Variants in MSRA observed in about 807,000 individuals in gnomAD.
The protein encoded by MSRA is mitochondrial peptide methionine sulfoxide reductase.
MSRA carries 54 observed loss-of-function variants against 31.3 expected under a neutral mutation model. The ratio of observed to expected loss-of-function variants is 1.73; its 90% CI spans 1.39 to 2.17. The LOEUF (loss-of-function observed/expected upper bound fraction) is 2.17. Ranked by LOEUF, MSRA falls within the 30% of genes most tolerant of loss-of-function variation. The pLI, the probability that MSRA is intolerant of heterozygous loss-of-function variation, is 0.00. For synonymous variants in MSRA, 169 were observed against 116.5 expected, an observed-to-expected ratio of 1.45 and a Z score of -2.90; for missense variants, 507 against 300.9, an observed-to-expected ratio of 1.69 and a Z score of -5.07.
chr8:10,363,132 C>G (rs1804951379), intron 5 of MSRA, among the ~76,000 whole-genome samples: 1 of 152,218 alleles, frequency 6.6e-6, no homozygotes, highest in African/African-American at 2.4e-5. Context: ...GCACTTTCAG[C>G]CTTTCTCCGT....
chr8:10,428,250 C>A lies in MSRA; in HGVS notation c.646C>A (p.Pro216Thr), dbSNP rs746225052. The A allele has an allele frequency of 6.2e-7, 1 of 1,614,180 alleles. No homozygotes were observed. The highest frequency in any genetic ancestry group is 2.2e-5 in the East Asian group (1 of 44,870). Residue 216 changes from proline to threonine, a missense_variant, in exon 6 of 6, where the codon CCC (proline) becomes ACC (threonine). Coordinates refer to ENST00000317173, the MANE Select transcript of MSRA (RefSeq NM_012331.5). ...CCACCAGCAGTACCTGAGCAAGAAC[C>A]CCAATGGCTACTGCGGCCTTGGGGG... ...DYHQQYLSKNPNGYCGLGGTG... is the reference protein window; with the variant it reads ...DYHQQYLSKNTNGYCGLGGTG...
At chr8:10,168,578 C>T (rs1044708559) in intron 1 of MSRA, among the ~76,000 whole-genome samples, 1 of 152,098 alleles carries the variant, frequency 6.6e-6, no homozygotes, top group Non-Finnish European at 1.5e-5. Context: ...TAGCAAAACC[C>T]CTATACGATA....
At chr8:10,101,953 G>C (rs1585148708) in intron 1 of MSRA, among the ~76,000 whole-genome samples, 1 of 152,092 alleles carries the variant, frequency 6.6e-6, no homozygotes, top group Non-Finnish European at 1.5e-5. Context: ...CGCAACTTCA[G>C]TTGTACTCCC....
intron 1 of MSRA, among the ~76,000 whole-genome samples, chr8:10,062,818 G>A (rs1042081597): frequency 2.6e-5 from 4 of 152,166 alleles, no homozygotes; most frequent in Non-Finnish European, 4.4e-5. Flanking sequence ...GGAGTGGATC[G>A]TGTGATAGGA....
In MSRA at chr8:10,295,476, C is replaced by G. The variant is rs550288019; in HGVS notation, c.332-6058C>G. Among the ~76,000 whole-genome samples, 155 of 152,304 alleles carry G rather than the reference C, an allele frequency of 1.0e-3. 2 individuals are homozygous for G. The highest frequency in any genetic ancestry group is 3.6e-3 in the African/African-American group (151 of 41,572). ...CTGCTGGCCCAGTGACCCTTGGAGGCCCCCTTGGTCCTTCTAGATGAGCCC... is the reference window on the plus strand; with the variant it reads ...CTGCTGGCCCAGTGACCCTTGGAGGGCCCCTTGGTCCTTCTAGATGAGCCC... On this transcript the variant is annotated intron_variant, in intron 3 of 5. Transcript: ENST00000317173.
chr8:10,396,706 T>A (rs796803750), intron 5 of MSRA, among the ~76,000 whole-genome samples: 4 of 152,360 alleles, frequency 2.6e-5, no homozygotes, highest in African/African-American at 9.6e-5. Flanking sequence ...TAGAAATGTT[T>A]CCACTTCCTT....
chr8:10,380,347 G>A (rs545708541), intron 5 of MSRA, among the ~76,000 whole-genome samples: 3 of 152,324 alleles, frequency 2.0e-5, no homozygotes, highest in South Asian at 2.1e-4. Context: ...CTGGCGTTTG[G>A]GTAGACAACT....
chr8:10,336,905 G>C (rs892087584), intron 5 of MSRA: 1 of 152,206 alleles, frequency 6.6e-6, no homozygotes, highest in African/African-American at 2.4e-5. Flanking sequence ...TACAAAGACA[G>C]GCATAGAAAT....
At chr8:10,112,408 A>G (rs1187673408) in intron 1 of MSRA, among the ~76,000 whole-genome samples, 1 of 152,236 alleles carries the variant, frequency 6.6e-6, no homozygotes, top group African/African-American at 2.4e-5. Context: ...ATTTCTAGGA[A>G]AAGCTGTTAA....
intron 2 of MSRA, among the ~76,000 whole-genome samples, chr8:10,232,911 A>T (rs1038163742): frequency 6.6e-6 from 1 of 152,222 alleles, no homozygotes; most frequent in African/African-American, 2.4e-5. Flanking sequence ...TAAGTCTCTT[A>T]GGTGCTTAAG....
At chr8:10,401,487 C>A (rs1200885382) in intron 5 of MSRA, among the ~76,000 whole-genome samples, 1 of 152,200 alleles carries the variant, frequency 6.6e-6, no homozygotes, top group African/African-American at 2.4e-5. Context: ...GGTACAGCCA[C>A]TGTGGAAACA....
At chr8:10,398,399 C>T (rs926941657) in intron 5 of MSRA, among the ~76,000 whole-genome samples, 5 of 152,190 alleles carry the variant, frequency 3.3e-5, no homozygotes, top group African/African-American at 1.2e-4. Flanking sequence ...CCGAGAGAGA[C>T]CTTCTCTGAG....
chr8:10,361,964 C>T (rs138223749), intron 5 of MSRA, among the ~76,000 whole-genome samples: 301 of 152,254 alleles, frequency 2.0e-3, no homozygotes, highest in African/African-American at 6.9e-3. Context: ...TTCTCATGAT[C>T]TGCGAGGCTT....
intron 2 of MSRA, among the ~76,000 whole-genome samples, chr8:10,220,231 T>A (rs10100602): frequency 0.042 from 6,333 of 152,304 alleles, 231 homozygotes; most frequent in African/African-American, 0.1. Context: ...AGAATTATAT[T>A]TGACCAAGAC....
At chr8:10,144,046 A>C (rs745678686) in intron 1 of MSRA, among the ~76,000 whole-genome samples, 2 of 152,140 alleles carry the variant, frequency 1.3e-5, no homozygotes, top group African/African-American at 2.4e-5. Context: ...CCATTTGTGA[A>C]GTCTGGTGGT....
At chr8:10,107,302 C>G (rs764081796) in intron 1 of MSRA, among the ~76,000 whole-genome samples, 20 of 151,676 alleles carry the variant, frequency 1.3e-4, no homozygotes, top group Non-Finnish European at 2.5e-4. Context: ...GTATAGCACT[C>G]TGAAAAATAA....
At chr8:10,373,769 A>G (rs1273222237) in intron 5 of MSRA, among the ~76,000 whole-genome samples, 7 of 152,226 alleles carry the variant, frequency 4.6e-5, no homozygotes, top group Admixed American at 4.6e-4. Flanking sequence ...AATGGGCCAG[A>G]TGATGACCGC....
intron 1 of MSRA, among the ~76,000 whole-genome samples, chr8:10,171,880 G>T (rs1585087553): frequency 6.6e-6 from 1 of 152,216 alleles, no homozygotes; most frequent in African/African-American, 2.4e-5. Flanking sequence ...AGCATTTCTT[G>T]TGTAATGTTA....
intron 1 of MSRA, among the ~76,000 whole-genome samples, chr8:10,057,362 G>A (rs1802434087): frequency 1.3e-5 from 2 of 152,148 alleles, no homozygotes; most frequent in African/African-American, 4.8e-5. Flanking sequence ...GAGGGACAAG[G>A]GGAATTCATA....
Sources: gnomAD v4.1 joint callset for allele counts (sites outside exome capture counted in the v4.1 genomes callset) on GRCh38, gnomAD v4.1.1 for gene constraint, MANE v1.5 for transcripts, NCBI Gene and HGNC (gene_info 2026-07-23, HGNC 2026-07-21) for gene names.